Variants in PTPN13 observed in about 807,000 individuals in gnomAD.
PTPN13 encodes protein tyrosine phosphatase non-receptor type 13, also known as tyrosine-protein phosphatase non-receptor type 13.
In PTPN13, 191 loss-of-function variants were observed where a neutral mutation model predicts 284.0. The ratio of observed to expected loss-of-function variants is 0.67; its 90% CI spans 0.60 to 0.76. The LOEUF (loss-of-function observed/expected upper bound fraction) is 0.76. Among genes scored for constraint, PTPN13 ranks in the 30% least tolerant of loss-of-function variants. The pLI, the probability that PTPN13 is intolerant of heterozygous loss-of-function variation, is 0.00. For missense variants in PTPN13, 2,797 were observed against 2,939.9 expected (o/e 0.95, Z 1.12); for synonymous variants, 986 against 1,022.3 (o/e 0.96, Z 0.68).
chr4:86,796,804 A>G, intron 40 of PTPN13, 70 bp from the exon 41 acceptor site: 1 of 970,544 alleles, frequency 1.0e-6, no homozygotes, highest in Non-Finnish European at 1.6e-6. Context: ...AATAACTAAC[A>G]GGAAAAAAAT....
intron 2 of PTPN13, among the ~76,000 whole-genome samples, chr4:86,668,032 G>A (rs1464440535): frequency 1.3e-5 from 2 of 152,126 alleles, no homozygotes; most frequent in African/African-American, 4.8e-5. Flanking sequence ...GAAGCTCTAA[G>A]GTGTTTGCAT....
chr4:86,658,792 C>T (rs1283693303), intron 2 of PTPN13, among the ~76,000 whole-genome samples: 1 of 151,884 alleles, frequency 6.6e-6, no homozygotes, highest in African/African-American at 2.4e-5. Context: ...ATTCTAGAAG[C>T]TTAAGGCACA....
rs1733107731 is a variant in PTPN13, at chr4:86,717,010, T to C, written c.1292-14T>C. 3.2e-6 allele frequency: 5 copies of C among 1,582,094 alleles called. No individual in the cohort carries two copies. The highest frequency in any genetic ancestry group is 4.3e-6 in the Non-Finnish European group (5 of 1,153,094). Reference sequence around the variant, plus strand: ...TATCACCTGTGCCATTATTTCTTTTTCATTCATAATTAGTGAGAAGAAGTG... The same window carrying C: ...TATCACCTGTGCCATTATTTCTTTTCCATTCATAATTAGTGAGAAGAAGTG... On this transcript the variant is annotated splice_polypyrimidine_tract_variant and intron_variant, in intron 8 of 47. Transcript: ENST00000411767.
chr4:86,604,802 A>T (rs186375425), intron 1 of PTPN13, among the ~76,000 whole-genome samples: 1 of 152,162 alleles, frequency 6.6e-6, no homozygotes, highest in African/African-American at 2.4e-5. Flanking sequence ...TATGTTCAGA[A>T]TTATTTTCCG....
At chr4:86,726,726 G>T (rs956411751) in intron 10 of PTPN13, among the ~76,000 whole-genome samples, 1 of 149,304 alleles carries the variant, frequency 6.7e-6, no homozygotes, top group African/African-American at 2.4e-5. Context: ...AGACGATGGG[G>T]TTTTCTAAAT....
chr4:86,617,117 TGA>T lies in PTPN13; in HGVS notation c.-5-18133_-5-18132del, dbSNP rs1720637622. ...AGAGTCACTAGTGAGAATAGACTACTGAGGGACAAGAGAGGAAGCAAAGCAAC... is the reference window on the plus strand; with the variant it reads ...AGAGTCACTAGTGAGAATAGACTACTGGGACAAGAGAGGAAGCAAAGCAAC... On this transcript the variant is annotated intron_variant, in intron 1 of 47. Coordinates refer to ENST00000411767, the MANE Select transcript of PTPN13 (RefSeq NM_080683.3). Among the ~76,000 whole-genome samples, 3 of 152,222 alleles carry T rather than the reference TGA, an allele frequency of 2.0e-5. No homozygotes were observed. In the South Asian group the frequency reaches 6.2e-4, roughly 32 times the overall value.
Position 86,784,577 on chromosome 4 carries a change from C to T in PTPN13, c.6118+19C>T. The T allele has an allele frequency of 6.7e-7, 1 of 1,499,204 alleles. No homozygotes were observed. Among genetic ancestry groups the T allele is most frequent in the Non-Finnish European group, 9.2e-7 (1 of 1,086,042 alleles). The allele number at this position is 1,499,204 out of a possible 1,614,324, so 92.9% of individuals were successfully genotyped here. On this transcript the variant is annotated intron_variant, in intron 38 of 47. Transcript: ENST00000411767. The stretch of plus-strand genomic sequence containing the variant: ...CCCAAAGGTAGTTTTCCAAATCAGT[C>T]ATCTAATTACTCTAAATGCCCTAAT...
intron 25 of PTPN13, among the ~76,000 whole-genome samples, chr4:86,765,020 C>T (rs1739134867): frequency 1.3e-5 from 2 of 152,072 alleles, no homozygotes; most frequent in Admixed American, 1.3e-4. Flanking sequence ...AGATATTTGA[C>T]AGTTTCTACG....
chr4:86,734,603 A>G, intron 13 of PTPN13, 134 bp from the exon 14 acceptor site: 1 of 1,265,620 alleles, frequency 7.9e-7, no homozygotes, highest in Non-Finnish European at 1.1e-6. Flanking sequence ...AGTTTATCTA[A>G]TCCTTATGCC....
At chr4:86,777,349 G>A (rs1740777318) in intron 35 of PTPN13, among the ~76,000 whole-genome samples, 1 of 151,978 alleles carries the variant, frequency 6.6e-6, no homozygotes, top group Non-Finnish European at 1.5e-5. Context: ...AGGAACTGCA[G>A]CACCCTCTGC....
At chr4:86,747,917 C>T (rs1482484718) in intron 17 of PTPN13, among the ~76,000 whole-genome samples, 1 of 152,118 alleles carries the variant, frequency 6.6e-6, no homozygotes, top group African/African-American at 2.4e-5. Flanking sequence ...TAGAAAGAAC[C>T]TTACAGGTCA....
chr4:86,746,821 G>A (rs1736820153), intron 17 of PTPN13, among the ~76,000 whole-genome samples: 1 of 152,060 alleles, frequency 6.6e-6, no homozygotes, highest in Non-Finnish European at 1.5e-5. Flanking sequence ...AGTAGAGACG[G>A]GGTTTCACTA....
intron 6 of PTPN13, among the ~76,000 whole-genome samples, chr4:86,694,155 A>C (rs1300462957): frequency 6.6e-6 from 1 of 151,974 alleles, no homozygotes; most frequent in African/African-American, 2.4e-5. Flanking sequence ...GAGTTATCAA[A>C]TACTACCTTA....
chr4:86,680,380 T>TCTATCTATCTAC (rs1554306675), intron 3 of PTPN13, among the ~76,000 whole-genome samples: 15 of 151,718 alleles, frequency 9.9e-5, no homozygotes, highest in Non-Finnish European at 2.1e-4. Flanking sequence ...TATCTATCTA[T>TCTATCTATCTAC]CTATCTATCT....
intron 5 of PTPN13, among the ~76,000 whole-genome samples, chr4:86,690,659 T>C (rs1206518996): frequency 6.6e-6 from 1 of 152,116 alleles, no homozygotes; most frequent in Non-Finnish European, 1.5e-5. Context: ...CACCACACTT[T>C]CTCTAAGACT....
intron 45 of PTPN13, among the ~76,000 whole-genome samples, chr4:86,808,866 C>T (rs1175367765): frequency 1.3e-5 from 2 of 152,024 alleles, no homozygotes; most frequent in African/African-American, 4.8e-5. Context: ...TAGAGAAGGA[C>T]AATTGGCTGG....
chr4:86,667,185 A>T (rs1468108380), intron 2 of PTPN13, among the ~76,000 whole-genome samples: 1 of 152,200 alleles, frequency 6.6e-6, no homozygotes, highest in East Asian at 1.9e-4. Flanking sequence ...GATCTGACCA[A>T]CTACCACCAG....
chr4:86,685,735 C>T (rs534448387), intron 3 of PTPN13, among the ~76,000 whole-genome samples: 1 of 152,254 alleles, frequency 6.6e-6, no homozygotes, highest in South Asian at 2.1e-4. Context: ...CTTACATGTA[C>T]AAAAACATGT....
intron 7 of PTPN13, among the ~76,000 whole-genome samples, chr4:86,703,394 T>C (rs929148584): frequency 1.3e-5 from 2 of 151,700 alleles, no homozygotes; most frequent in Non-Finnish European, 2.9e-5. Flanking sequence ...CTGTCAAGCA[T>C]GCCCTCATGG....
Sources: gnomAD v4.1 joint callset for allele counts (sites outside exome capture counted in the v4.1 genomes callset) on GRCh38, gnomAD v4.1.1 for gene constraint, MANE v1.5 for transcripts, NCBI Gene and HGNC (gene_info 2026-07-23, HGNC 2026-07-21) for gene names.